Variants in PIAS2 observed in about 807,000 individuals in gnomAD.
PIAS2 encodes the protein E3 SUMO-protein ligase PIAS2.
PIAS2 carries 19 observed loss-of-function variants against 69.7 expected under a neutral mutation model. The ratio of observed to expected loss-of-function variants is 0.27; its 90% CI spans 0.19 to 0.40. The LOEUF is 0.40. PIAS2 is among the 10% of genes least tolerant of loss of function. The pLI, the probability that PIAS2 is intolerant of heterozygous loss-of-function variation, is 1.00. For missense variants in PIAS2, 624 were observed against 757.0 expected, an observed-to-expected ratio of 0.82 and a Z score of 2.06; for synonymous variants, 261 against 263.2, an observed-to-expected ratio of 0.99 and a Z score of 0.08.
chr18:46,817,350 A>G, intron 12 of PIAS2: 1 of 975,432 alleles, frequency 1.0e-6, no homozygotes, highest in Non-Finnish European at 1.2e-6. Flanking sequence ...ATTTCAATTA[A>G]AATACGCAAG....
upstream of PIAS2, chr18:46,920,074 T>C (rs2058451866): frequency 8.5e-6 from 11 of 1,289,766 alleles, no homozygotes; most frequent in South Asian, 1.2e-5. Context: ...GTGTTCTTTG[T>C]AGTTGCTTCC....
intron 2 of PIAS2, among the ~76,000 whole-genome samples, chr18:46,867,819 T>G (rs2049725669): frequency 6.6e-6 from 1 of 152,194 alleles, no homozygotes; most frequent in South Asian, 2.1e-4. Context: ...TGTAATAGCA[T>G]CAACCAACAG....
At chr18:46,814,663 T>A (rs781567721) in intron 13 of PIAS2, among the ~76,000 whole-genome samples, 18 of 152,142 alleles carry the variant, frequency 1.2e-4, no homozygotes, top group Non-Finnish European at 1.8e-4. Flanking sequence ...ACTCAACTCC[T>A]CTCAAAGTCT....
intron 2 of PIAS2, among the ~76,000 whole-genome samples, chr18:46,870,148 AG>A (rs1223151501): frequency 6.6e-6 from 1 of 152,100 alleles, no homozygotes; most frequent in African/African-American, 2.4e-5. Context: ...TCCTCCAGGA[AG>A]GCTCTAGTGT....
At chr18:46,831,673 T>C (rs1009882478) in intron 9 of PIAS2, among the ~76,000 whole-genome samples, 3 of 152,220 alleles carry the variant, frequency 2.0e-5, no homozygotes, top group African/African-American at 7.2e-5. Flanking sequence ...CAATTAATTT[T>C]TGTAAAAGGT....
intron 1 of PIAS2, among the ~76,000 whole-genome samples, chr18:46,898,753 G>A (rs188088551): frequency 6.6e-6 from 1 of 152,094 alleles, no homozygotes; most frequent in Admixed American, 6.6e-5. Flanking sequence ...CAACACTTTG[G>A]GGGGCTGAGG....
upstream of PIAS2, chr18:46,917,577 G>A: frequency 3.7e-6 from 4 of 1,076,608 alleles, no homozygotes; most frequent in Non-Finnish European, 4.5e-6. Context: ...GCCCACCCGC[G>A]CGACCGCCTT....
At position 46,910,825 on chromosome 18, in the gene PIAS2, A is replaced by T. The variant is rs556249395; in HGVS notation, c.24+6497T>A. ...AGCAAAGTTTTCAAAATTCTGAGGA[A>T]TTTATAATTCCACATGTAAACTTTC... On this transcript the variant is annotated intron_variant, in intron 1 of 13. Transcript: ENST00000585916. Among the ~76,000 whole-genome samples the T allele has an allele frequency of 1.1e-4, 17 of 152,326 alleles. No individual in the cohort carries two copies. The South Asian group carries it at 3.5e-3, about 32-fold the overall frequency.
intron 1 of PIAS2, among the ~76,000 whole-genome samples, chr18:46,914,117 G>T (rs189536636): frequency 1.3e-5 from 2 of 152,180 alleles, no homozygotes; most frequent in African/African-American, 4.8e-5. Context: ...CAACACAGAT[G>T]CCATAAATAA....
At chr18:46,840,528 G>A (rs1908233387) in intron 8 of PIAS2, among the ~76,000 whole-genome samples, 1 of 152,132 alleles carries the variant, frequency 6.6e-6, no homozygotes, top group South Asian at 2.1e-4. Flanking sequence ...CTTCTATGCT[G>A]TTTCCATCTC....
At chr18:46,815,199 A>G in intron 13 of PIAS2, 113 bp downstream of exon 13, 3 of 790,940 alleles carry the variant, frequency 3.8e-6, no homozygotes, top group Non-Finnish European at 4.3e-6. Flanking sequence ...CTTTCCATCA[A>G]TGTAAGTAAT....
At chr18:46,914,619 A>C (rs1314304415) in intron 1 of PIAS2, among the ~76,000 whole-genome samples, 1 of 149,216 alleles carries the variant, frequency 6.7e-6, no homozygotes, top group Non-Finnish European at 1.5e-5. Flanking sequence ...AGGGTCACCA[A>C]ACCACACTGA....
At chr18:46,912,052 A>C (rs952161647) in intron 1 of PIAS2, among the ~76,000 whole-genome samples, 1 of 147,366 alleles carries the variant, frequency 6.8e-6, no homozygotes, top group African/African-American at 2.5e-5. Context: ...ATCCTGTCTC[A>C]AAAAAAAAAG....
At chr18:46,902,585 T>C (rs1599014830) in intron 1 of PIAS2, among the ~76,000 whole-genome samples, 1 of 151,874 alleles carries the variant, frequency 6.6e-6, no homozygotes, top group Admixed American at 6.6e-5. Flanking sequence ...AAAGAAAACC[T>C]AAACAAATAA....
chr18:46,856,310 C>T (rs55849517), intron 3 of PIAS2, among the ~76,000 whole-genome samples: 11,665 of 151,942 alleles, frequency 0.077, 478 homozygotes, highest in African/African-American at 0.1. Context: ...AAAGACTTTT[C>T]TTTTACTATA....
Position 46,820,686 on chromosome 18 carries a change from G to T in PIAS2, c.1648+247C>A, listed in dbSNP as rs184769200. Among the ~76,000 whole-genome samples the T allele has an allele frequency of 1.8e-3, 273 of 152,040 alleles. 2 individuals are homozygous for T. The highest frequency in any genetic ancestry group is 6.0e-3 in the African/African-American group (247 of 41,476). On this transcript the variant is annotated intron_variant, in intron 12 of 13. Coordinates refer to ENST00000585916, the MANE Select transcript of PIAS2 (RefSeq NM_004671.5). ...GTCTCTAAGTACAAATTCTTCAAAA[G>T]GAAGAATAAAATCTCTAACATTTCC...
intron 2 of PIAS2, among the ~76,000 whole-genome samples, chr18:46,888,844 G>A (rs1003358259): frequency 2.0e-5 from 3 of 151,930 alleles, no homozygotes; most frequent in Non-Finnish European, 2.9e-5. Flanking sequence ...CCCGCTGTGC[G>A]ACCTGGTTTC....
intron 6 of PIAS2, 163 bp downstream of exon 6, chr18:46,846,544 C>CT: frequency 1.8e-6 from 1 of 563,960 alleles, no homozygotes. Flanking sequence ...AAGTTTTTAA[C>CT]TTTAAGAATC....
At chr18:46,823,136 G>A (rs527883372) in intron 11 of PIAS2, among the ~76,000 whole-genome samples, 1 of 151,164 alleles carries the variant, frequency 6.6e-6, no homozygotes, top group Non-Finnish European at 1.5e-5. Flanking sequence ...TTGGGAGGCT[G>A]AGGCTGAGAC....
Sources: allele counts gnomAD v4.1 joint callset (sites outside exome capture counted in the v4.1 genomes callset), GRCh38; gene constraint gnomAD v4.1.1; transcripts MANE v1.5; gene names NCBI Gene and HGNC (gene_info 2026-07-23, HGNC 2026-07-21).